Variants in DFFB observed in about 807,000 individuals in gnomAD.
DFFB encodes DNA fragmentation factor subunit beta.
In DFFB, 29 loss-of-function variants were observed where a neutral mutation model predicts 32.7. That is an observed-to-expected ratio of 0.89 (90% confidence interval 0.66 to 1.21). The LOEUF is 1.21. DFFB is among the 50% of genes most tolerant of loss of function. DFFB has a pLI of 0.00. For missense variants in DFFB, 398 were observed against 440.6 expected (o/e 0.90, Z 0.87); for synonymous variants, 170 against 177.1 (o/e 0.96, Z 0.32).
chr1:3,873,974 G>A (rs1004842571), intron 6 of DFFB, among the ~76,000 whole-genome samples: 1 of 152,090 alleles, frequency 6.6e-6, no homozygotes, highest in Non-Finnish European at 1.5e-5. Flanking sequence ...CTTTTACCCT[G>A]TCCATACTCA....
At position 3,865,444 on chromosome 1, in the gene DFFB, C is replaced by T. The variant is rs1644957015; in HGVS notation, c.242-368C>T. ...GCTTTAGGGAGTTGTGAAAAGGCTCCAGGAGAGAGTAGGAAAAGTGATCGG... is the reference window on the plus strand; with the variant it reads ...GCTTTAGGGAGTTGTGAAAAGGCTCTAGGAGAGAGTAGGAAAAGTGATCGG... On this transcript the variant is annotated intron_variant, in intron 2 of 6. Coordinates refer to ENST00000378209, the MANE Select transcript of DFFB (RefSeq NM_004402.4). This position sits in a 1 kb window ranked among gnomAD's most constrained non-coding sequence, Gnocchi z 4.7. 6.6e-6 allele frequency among the ~76,000 whole-genome samples: 1 copy of T among 152,040 alleles called. No homozygotes were observed. Among genetic ancestry groups the T allele is most frequent in the Admixed American group, 6.6e-5 (1 of 15,254 alleles).
At chr1:3,866,930 C>T (rs1570909320) in intron 3 of DFFB, among the ~76,000 whole-genome samples, 1 of 152,182 alleles carries the variant, frequency 6.6e-6, no homozygotes, top group Non-Finnish European at 1.5e-5. Flanking sequence ...GAGTCTTGCT[C>T]TGTTGCCCAG....
chr1:3,872,781 A>G (rs1048660559), intron 6 of DFFB, among the ~76,000 whole-genome samples: 4 of 152,124 alleles, frequency 2.6e-5, no homozygotes, highest in African/African-American at 9.7e-5. Context: ...GGCACACACC[A>G]TTCCCTCCAC....
chr1:3,872,709 C>A, intron 6 of DFFB, 137 bp downstream of exon 6: 1 of 806,026 alleles, frequency 1.2e-6, no homozygotes. Context: ...GTTTCAAGGG[C>A]TGCACCCGTG....
chr1:3,872,972 A>G (rs776274360), intron 6 of DFFB: 2 of 1,252,820 alleles, frequency 1.6e-6, no homozygotes, highest in South Asian at 2.7e-5. Context: ...TCCTGGTGTT[A>G]TGATAGGTAA....
intron 1 of DFFB, 84 bp from the exon 2 acceptor site, chr1:3,858,634 A>T: frequency 6.6e-7 from 1 of 1,521,162 alleles, no homozygotes; most frequent in East Asian, 2.3e-5. Context: ...AGCACAGCTC[A>T]TTCCGGTCGT....
intron 6 of DFFB, 139 bp from the exon 7 acceptor site, chr1:3,883,368 C>A: frequency 1.3e-6 from 1 of 769,868 alleles, no homozygotes; most frequent in Non-Finnish European, 2.1e-6. Context: ...CTCAACAAAC[C>A]TGGCCAGTAG....
At chr1:3,859,005 C>T in intron 2 of DFFB, 161 bp downstream of exon 2, 1 of 1,028,308 alleles carries the variant, frequency 9.7e-7, no homozygotes, top group Non-Finnish European at 1.4e-6. Context: ...GTCAGCGTCG[C>T]TTAGGTGGCA....
chr1:3,882,219 A>AT (rs1033141320), intron 6 of DFFB, among the ~76,000 whole-genome samples: 4 of 138,390 alleles, frequency 2.9e-5, no homozygotes, highest in Non-Finnish European at 6.4e-5. Context: ...TGCCTGGCTA[A>AT]TTTTTTTGTC....
rs1638280012 is a variant in DFFB at position 3,884,090 on chromosome 1, G to A, written c.*349G>A. The A allele has an allele frequency of 7.1e-6, 2 of 280,518 alleles. No individual in the cohort carries two copies. Among genetic ancestry groups the A allele is most frequent in the South Asian group, 7.4e-5 (2 of 27,018 alleles). 17.4% of individuals were successfully genotyped at this position (280,518 alleles called of 1,614,324 possible). ...GTAGAGACGGGGTTTCACCATGTTG[G>A]TCAGGCTGGTCTCAAACTCCTGACC... is the stretch of plus-strand genomic sequence containing the variant. On this transcript the variant is annotated 3_prime_UTR_variant, in exon 7 of 7. Coordinates refer to ENST00000378209, the MANE Select transcript of DFFB (RefSeq NM_004402.4).
chr1:3,883,256 C>T (rs558848781), intron 6 of DFFB, among the ~76,000 whole-genome samples: 9 of 152,328 alleles, frequency 5.9e-5, no homozygotes, highest in South Asian at 2.1e-4. Flanking sequence ...CCACCCGCCT[C>T]GGCCTCCCAA....
chr1:3,858,304 T>C (rs765416739), intron 1 of DFFB, among the ~76,000 whole-genome samples: 3 of 152,124 alleles, frequency 2.0e-5, no homozygotes, highest in Non-Finnish European at 4.4e-5. Context: ...CGGTCACACT[T>C]GTGCACAGAG....
At chr1:3,881,162 C>G (rs1645329258) in intron 6 of DFFB, among the ~76,000 whole-genome samples, 1 of 152,206 alleles carries the variant, frequency 6.6e-6, no homozygotes, top group African/African-American at 2.4e-5. Flanking sequence ...TGTGAGGGAG[C>G]CTGTCCTGGC....
chr1:3,882,980 A>T (rs1205511140), intron 6 of DFFB, among the ~76,000 whole-genome samples: 1 of 149,408 alleles, frequency 6.7e-6, no homozygotes, highest in Non-Finnish European at 1.5e-5. Flanking sequence ...CGTACTTTTC[A>T]GTATTCTGAA....
chr1:3,858,938 T>A (rs1644822719), intron 2 of DFFB, 94 bp downstream of exon 2: 1 of 1,532,246 alleles, frequency 6.5e-7, no homozygotes, highest in East Asian at 2.3e-5. Context: ...TGGGGAAGAG[T>A]CCCCCTTACT....
chr1:3,878,051 T>C (rs1436938456), intron 6 of DFFB, among the ~76,000 whole-genome samples: 1 of 152,186 alleles, frequency 6.6e-6, no homozygotes, highest in Non-Finnish European at 1.5e-5. Flanking sequence ...TGACAGCTGC[T>C]GTCTCCTAGA....
Position 3,884,718 on chromosome 1 carries a change from C to G in DFFB, c.*977C>G, listed in dbSNP as rs1369573098. The G allele has an allele frequency of 2.6e-5, 4 of 152,280 alleles. No individual in the cohort carries two copies. Among genetic ancestry groups the G allele is most frequent in the African/African-American group, 9.6e-5 (4 of 41,544 alleles). The allele number at this position is 152,280 out of a possible 1,614,324, so 9.4% of individuals were successfully genotyped here. On this transcript the variant is annotated 3_prime_UTR_variant, in exon 7 of 7. Coordinates refer to ENST00000378209, the MANE Select transcript of DFFB (RefSeq NM_004402.4). ...CCCAAGTAGCTGGGATTACAGGCACCTACCACCAGGGCCAGCTAATTTTTG... is the reference window on the plus strand; with the variant it reads ...CCCAAGTAGCTGGGATTACAGGCACGTACCACCAGGGCCAGCTAATTTTTG...
intron 6 of DFFB, among the ~76,000 whole-genome samples, chr1:3,877,110 C>T (rs989030572): frequency 2.0e-5 from 3 of 152,174 alleles, no homozygotes; most frequent in East Asian, 1.9e-4. Context: ...TGAGCCCTGC[C>T]GCTGGGGAAC....
intron 3 of DFFB, among the ~76,000 whole-genome samples, chr1:3,866,622 C>T (rs553079159): frequency 2.6e-5 from 4 of 152,224 alleles, no homozygotes; most frequent in East Asian, 1.9e-4. Flanking sequence ...CACAGGTCAT[C>T]GGCATTAGGT....
Sources: gnomAD v4.1 joint callset for allele counts (sites outside exome capture counted in the v4.1 genomes callset) on GRCh38, gnomAD v4.1.1 for gene constraint, Gnocchi (gnomAD v3.1) non-coding constraint, MANE v1.5 for transcripts, NCBI Gene and HGNC (gene_info 2026-07-23, HGNC 2026-07-21) for gene names.